UST: variants seen among roughly 807,000 people sequenced by gnomAD.
UST encodes chondroitin sulfate 2-O-sulfotransferase.
A neutral mutation model predicts 45.6 loss-of-function variants in UST; 21 were observed. That is an observed-to-expected ratio of 0.46 (90% CI 0.33 to 0.66). The LOEUF is 0.66. Ranked by LOEUF, UST falls within the 30% of genes least tolerant of loss-of-function variation. The pLI is 0.02. For missense variants in UST, 463 were observed against 512.4 expected, an observed-to-expected ratio of 0.90 and a Z score of 0.93; for synonymous variants, 215 against 200.6, an observed-to-expected ratio of 1.07 and a Z score of -0.61.
At chr6:148,807,392 G>A (rs1777170940) in intron 1 of UST, among the ~76,000 whole-genome samples, 2 of 152,144 alleles carry the variant, frequency 1.3e-5, no homozygotes, top group South Asian at 4.1e-4. Flanking sequence ...TGGGTTAGTG[G>A]TTTCAATCCC....
intron 7 of UST, among the ~76,000 whole-genome samples, chr6:149,046,121 C>T (rs534592137): frequency 6.6e-6 from 1 of 152,338 alleles, no homozygotes; most frequent in East Asian, 1.9e-4. Context: ...GCACTTAGAA[C>T]ATACCTGTGC....
rs1776815156 is a variant in UST at position 148,790,157 on chromosome 6, A to G, written c.247+42480A>G. ...TGCTTCCTGTAGCTCGTTCCCTGAC[A>G]GTGTTCATGTAGCGTCTCCTCCTAA... On this transcript the variant is annotated intron_variant, in intron 1 of 7. Coordinates refer to ENST00000367463, the MANE Select transcript of UST (RefSeq NM_005715.3). The surrounding 1 kb of genome is among the most constrained non-coding windows in gnomAD (Gnocchi z 4.2). Among the ~76,000 whole-genome samples, 1 of 152,120 alleles carries G rather than the reference A, an allele frequency of 6.6e-6. No homozygotes were observed. The highest frequency in any genetic ancestry group is 1.5e-5 in the Non-Finnish European group (1 of 68,028).
intron 1 of UST, among the ~76,000 whole-genome samples, chr6:148,769,122 G>T (rs1776372087): frequency 6.6e-6 from 1 of 152,244 alleles, no homozygotes; most frequent in Admixed American, 6.5e-5. Context: ...CTGGACAGCT[G>T]CATGCAGCCT....
At chr6:148,977,149 G>C (rs1781030811) in intron 5 of UST, among the ~76,000 whole-genome samples, 1 of 151,604 alleles carries the variant, frequency 6.6e-6, no homozygotes, top group South Asian at 2.1e-4. Context: ...TATTATATGA[G>C]AAATTCTTGG....
chr6:148,897,288 C>T (rs901378226), intron 2 of UST, among the ~76,000 whole-genome samples: 1 of 152,054 alleles, frequency 6.6e-6, no homozygotes, highest in African/African-American at 2.4e-5. Flanking sequence ...GTGCCTCAGC[C>T]TCCCGAGTAG....
At chr6:148,996,560 A>G (rs1781455833) in intron 5 of UST, among the ~76,000 whole-genome samples, 1 of 152,142 alleles carries the variant, frequency 6.6e-6, no homozygotes, top group Non-Finnish European at 1.5e-5. Context: ...TTTTCCTCCT[A>G]CAGACTCTTT....
rs192468010 is a variant in UST at position 148,976,991 on chromosome 6, T to C, written c.681+12428T>C. On this transcript the variant is annotated intron_variant, in intron 5 of 7. Coordinates refer to ENST00000367463, the MANE Select transcript of UST (RefSeq NM_005715.3). The stretch of plus-strand genomic sequence containing the variant: ...GGTGTCTTCTAGAGTTTTGTTGTTA[T>C]TCATGTTAAATTAAAATCTTTAATA... Among the ~76,000 whole-genome samples the C allele has an allele frequency of 1.2e-3, 176 of 152,234 alleles. 1 individual carries two copies. The highest frequency in any genetic ancestry group is 4.2e-3 in the African/African-American group (175 of 41,574).
intron 7 of UST, among the ~76,000 whole-genome samples, chr6:149,034,323 C>G (rs1415151786): frequency 6.6e-6 from 1 of 152,178 alleles, no homozygotes; most frequent in Non-Finnish European, 1.5e-5. Flanking sequence ...CTGCCGCATT[C>G]AGTATTACTT....
chr6:148,812,988 C>G (rs574712535), intron 1 of UST, among the ~76,000 whole-genome samples: 2 of 152,098 alleles, frequency 1.3e-5, no homozygotes, highest in African/African-American at 4.8e-5. Context: ...GCAGAATTAT[C>G]GGATCATACA....
At chr6:148,941,177 C>T in intron 2 of UST, 102 bp from the exon 3 acceptor site, 2 of 1,414,568 alleles carry the variant, frequency 1.4e-6, no homozygotes, top group South Asian at 2.5e-5. Context: ...CTTTTTCACT[C>T]AGATTTATTA....
intron 1 of UST, among the ~76,000 whole-genome samples, chr6:148,799,873 G>A (rs1213286917): frequency 6.6e-6 from 1 of 152,064 alleles, no homozygotes; most frequent in Non-Finnish European, 1.5e-5. Context: ...GCCTGTATGG[G>A]GAAGTAGAAT....
intron 1 of UST, among the ~76,000 whole-genome samples, chr6:148,834,608 G>C (rs953149085): frequency 1.3e-5 from 2 of 152,088 alleles, no homozygotes; most frequent in African/African-American, 2.4e-5. Flanking sequence ...GGTGGTGCAC[G>C]CCTGTAGTCC....
At chr6:148,779,668 T>C (rs1309679241) in intron 1 of UST, among the ~76,000 whole-genome samples, 4 of 152,218 alleles carry the variant, frequency 2.6e-5, no homozygotes, top group Non-Finnish European at 2.9e-5. Flanking sequence ...ACTCTAGAAA[T>C]GTAGGTGTCA....
At chr6:148,945,811 C>G (rs1297301843) in intron 3 of UST, among the ~76,000 whole-genome samples, 2 of 152,146 alleles carry the variant, frequency 1.3e-5, no homozygotes, top group Non-Finnish European at 1.5e-5. Context: ...CTGCAGAACT[C>G]CAGTTCATTG....
intron 1 of UST, among the ~76,000 whole-genome samples, chr6:148,843,416 C>A (rs890528646): frequency 2.0e-5 from 3 of 152,208 alleles, no homozygotes; most frequent in Admixed American, 1.3e-4. Context: ...AATATGATTG[C>A]AGTTTGAGCT....
At chr6:148,756,066 C>T (rs1776092321) in intron 1 of UST, among the ~76,000 whole-genome samples, 1 of 137,072 alleles carries the variant, frequency 7.3e-6, no homozygotes, top group South Asian at 2.3e-4. Context: ...TCCAAGTGTT[C>T]TCATTGTTCA....
intron 1 of UST, among the ~76,000 whole-genome samples, chr6:148,780,343 C>A (rs371513421): frequency 1.2e-4 from 18 of 151,978 alleles, no homozygotes; most frequent in African/African-American, 4.1e-4. Flanking sequence ...TAGGTAAACG[C>A]GTGTCATGGG....
At chr6:148,937,879 A>G (rs1417212529) in intron 2 of UST, among the ~76,000 whole-genome samples, 3 of 152,208 alleles carry the variant, frequency 2.0e-5, no homozygotes, top group Non-Finnish European at 4.4e-5. Flanking sequence ...TTCATACCCC[A>G]GCCTGGTTGT....
chr6:148,946,509 T>TAAA (rs1780239396), intron 3 of UST, among the ~76,000 whole-genome samples: 1 of 22,402 alleles, frequency 4.5e-5, no homozygotes, highest in East Asian at 1.5e-3. Flanking sequence ...AGACTCCATC[T>TAAA]CAAAAAAAAA....
Sources: gnomAD v4.1 joint callset for allele counts (sites outside exome capture counted in the v4.1 genomes callset) on GRCh38, gnomAD v4.1.1 for gene constraint, Gnocchi (gnomAD v3.1) non-coding constraint, MANE v1.5 for transcripts, NCBI Gene and HGNC (gene_info 2026-07-23, HGNC 2026-07-21) for gene names.